The following RB1 variants were observed in gnomAD, a reference collection of about 807,000 sequenced individuals.
The protein encoded by RB1 is retinoblastoma-associated protein.
In RB1, 18 loss-of-function variants were observed where a neutral mutation model predicts 135.4. That is an observed-to-expected ratio of 0.13 (90% CI 0.09 to 0.20). The LOEUF is 0.20. Ranked by LOEUF, RB1 falls within the 10% of genes least tolerant of loss-of-function variation. The pLI is 1.00. For missense variants in RB1, 868 were observed against 1,110.0 expected, an observed-to-expected ratio of 0.78 and a Z score of 3.10; for synonymous variants, 365 against 373.2, an observed-to-expected ratio of 0.98 and a Z score of 0.25.
intron 17 of RB1, among the ~76,000 whole-genome samples, chr13:48,402,691 A>G (rs17071675): frequency 0.051 from 7,824 of 152,066 alleles, 672 homozygotes; most frequent in African/African-American, 0.17. Flanking sequence ...AACTATTTAT[A>G]TGTGTCCTTT....
chr13:48,326,731 G>A (rs1952290904), intron 2 of RB1, among the ~76,000 whole-genome samples: 1 of 152,106 alleles, frequency 6.6e-6, no homozygotes. Context: ...TCAGCGAGCA[G>A]TTACCACCAA....
chr13:48,397,082 T>C (rs574543255), intron 17 of RB1, among the ~76,000 whole-genome samples: 1 of 152,340 alleles, frequency 6.6e-6, no homozygotes, highest in Non-Finnish European at 1.5e-5. Context: ...TGGAAGACAG[T>C]GTGGCGATTC....
intron 17 of RB1, among the ~76,000 whole-genome samples, chr13:48,419,797 A>G (rs975036345): frequency 6.6e-6 from 1 of 152,270 alleles, no homozygotes; most frequent in African/African-American, 2.4e-5. Flanking sequence ...GAAGAAATGG[A>G]TAAATTCCTG....
At chr13:48,456,934 C>G (rs1949364363) in intron 19 of RB1, among the ~76,000 whole-genome samples, 1 of 152,216 alleles carries the variant, frequency 6.6e-6, no homozygotes, top group African/African-American at 2.4e-5. Flanking sequence ...AGCCCTGGCT[C>G]AAGGAGCTCC....
At chr13:48,327,296 T>C (rs4151439) in intron 2 of RB1, among the ~76,000 whole-genome samples, 2 of 152,140 alleles carry the variant, frequency 1.3e-5, no homozygotes, top group East Asian at 3.8e-4. Context: ...ACAGTTTTCT[T>C]ATGATTCGCT....
chr13:48,411,618 A>G, intron 17 of RB1: 2 of 1,611,938 alleles, frequency 1.2e-6, no homozygotes, highest in Non-Finnish European at 1.7e-6. Context: ...CATTGTCCTT[A>G]CTGCTGCCAC....
chr13:48,459,923 T>C (rs1949389154), intron 20 of RB1, 90 bp downstream of exon 20: 1 of 492,132 alleles, frequency 2.0e-6, no homozygotes, highest in Non-Finnish European at 3.4e-6. Context: ...CTTTCTTTCT[T>C]TCTTTCTTTC....
chr13:48,381,322 C>A lies in RB1; in HGVS notation c.1574C>A (p.Ala525Asp), dbSNP rs4151539. The change falls in exon 17 of 27, where the codon GCC becomes GAC. Residue 525 changes from alanine to aspartate, a missense_variant. Around this residue, in one of 3 missense-constraint regions of RB1, gnomAD observed 641 missense variants for 791.3 expected, o/e 0.81. Coordinates refer to ENST00000267163, the MANE Select transcript of RB1 (RefSeq NM_000321.3). The stretch of plus-strand genomic sequence containing the variant: ...ATTCTGAATGTGCTTAATTTAAAAG[C>A]CTTTGATTTTTACAAAGTGATCGAA... The part of the protein sequence containing the change: ...PWILNVLNLK[A>D]FDFYKVIESF... The A allele has an allele frequency of 6.2e-7, 1 of 1,611,654 alleles. No individual in the cohort carries two copies. The highest frequency in any genetic ancestry group is 8.5e-7 in the Non-Finnish European group (1 of 1,179,040).
chr13:48,452,625 T>G (rs1459952510), intron 17 of RB1, among the ~76,000 whole-genome samples: 1 of 152,154 alleles, frequency 6.6e-6, no homozygotes, highest in Admixed American at 6.5e-5. Context: ...AAGAATCCAT[T>G]TTTGGCTTTG....
intron 17 of RB1, among the ~76,000 whole-genome samples, chr13:48,385,351 T>C (rs1334686923): frequency 6.6e-6 from 1 of 152,158 alleles, no homozygotes; most frequent in East Asian, 1.9e-4. Flanking sequence ...AAGACCACTA[T>C]ACTACCTGTT....
chr13:48,394,731 A>G lies in RB1; in HGVS notation c.1695+13288A>G, dbSNP rs183270140. Among the ~76,000 whole-genome samples the G allele has an allele frequency of 6.9e-3, 1,049 of 152,332 alleles. 20 individuals are homozygous for G. Among genetic ancestry groups the G allele is most frequent in the Non-Finnish European group, 4.5e-3 (309 of 68,026 alleles). On this transcript the variant is annotated intron_variant, in intron 17 of 26. Coordinates refer to ENST00000267163, the MANE Select transcript of RB1 (RefSeq NM_000321.3). ...TCTGGGCAGGGCATCTCTGAAAGAAAGGCAGCAGCCCCAGTCAGGGGCCTA... is the reference window on the plus strand; with the variant it reads ...TCTGGGCAGGGCATCTCTGAAAGAAGGGCAGCAGCCCCAGTCAGGGGCCTA...
At chr13:48,383,690 C>A (rs1054308194) in intron 17 of RB1, among the ~76,000 whole-genome samples, 1 of 151,970 alleles carries the variant, frequency 6.6e-6, no homozygotes, top group Non-Finnish European at 1.5e-5. Flanking sequence ...TATTGAATTT[C>A]ATAACTACTT....
chr13:48,437,694 C>A (rs1483950545), intron 17 of RB1, among the ~76,000 whole-genome samples: 1 of 152,150 alleles, frequency 6.6e-6, no homozygotes, highest in Non-Finnish European at 1.5e-5. Flanking sequence ...AGCTCCCTGC[C>A]TCAACCCCAG....
intron 11 of RB1, among the ~76,000 whole-genome samples, chr13:48,372,311 G>A (rs1197028384): frequency 5.3e-5 from 8 of 152,316 alleles, no homozygotes; most frequent in African/African-American, 1.7e-4. Flanking sequence ...TTTAATCACT[G>A]TAGCTTAAAT....
intron 17 of RB1, among the ~76,000 whole-genome samples, chr13:48,449,518 C>G (rs547302505): frequency 1.8e-4 from 28 of 152,092 alleles, no homozygotes; most frequent in Non-Finnish European, 3.8e-4. Flanking sequence ...AGTAGGTTAC[C>G]ATTTGTGTAT....
intron 17 of RB1, among the ~76,000 whole-genome samples, chr13:48,426,381 T>C (rs895653815): frequency 6.6e-6 from 1 of 152,222 alleles, no homozygotes; most frequent in Non-Finnish European, 1.5e-5. Context: ...ATGTGATGCA[T>C]TTGGTATGCC....
chr13:48,367,118 C>CAAAA (rs34822911), intron 9 of RB1, among the ~76,000 whole-genome samples: 11 of 102,198 alleles, frequency 1.1e-4, no homozygotes, highest in Non-Finnish European at 1.6e-4. Flanking sequence ...AACTCCATCT[C>CAAAA]AAAAAAAAAA....
At chr13:48,372,262 A>G (rs116669133) in intron 11 of RB1, among the ~76,000 whole-genome samples, 1,658 of 152,342 alleles carry the variant, frequency 0.011, 31 homozygotes, top group African/African-American at 0.038. Context: ...AGAACAAATG[A>G]GAAAAGTCTT....
chr13:48,349,231 A>G (rs542632920), intron 6 of RB1, among the ~76,000 whole-genome samples: 1 of 151,920 alleles, frequency 6.6e-6, no homozygotes, highest in East Asian at 1.9e-4. Flanking sequence ...CTAATATTCC[A>G]TCTTCCCTCC....
Sources: allele counts gnomAD v4.1 joint callset (sites outside exome capture counted in the v4.1 genomes callset), GRCh38; gene constraint gnomAD v4.1.1; regional missense constraint gnomAD v4.1.1; transcripts MANE v1.5; gene names NCBI Gene and HGNC (gene_info 2026-07-23, HGNC 2026-07-21).